LGI1: variants seen among roughly 807,000 people sequenced by gnomAD.
LGI1 encodes the protein leucine-rich glioma-inactivated protein 1.
In LGI1, 11 loss-of-function variants were observed where a neutral mutation model predicts 57.7. The ratio of observed to expected loss-of-function variants is 0.19; its 90% CI spans 0.12 to 0.32. LGI1 has a LOEUF of 0.32. Ranked by LOEUF, LGI1 falls within the 10% of genes least tolerant of loss-of-function variation. LGI1 has a pLI of 1.00. For missense variants in LGI1, 422 were observed against 661.9 expected, an observed-to-expected ratio of 0.64 and a Z score of 3.98; for synonymous variants, 222 against 241.9, an observed-to-expected ratio of 0.92 and a Z score of 0.76.
intron 2 of LGI1, among the ~76,000 whole-genome samples, chr10:93,766,619 C>G (rs1362723286): frequency 6.7e-6 from 1 of 149,718 alleles, no homozygotes; most frequent in Non-Finnish European, 1.5e-5. Flanking sequence ...ATTCTCCTGC[C>G]TCAGCCTCCC....
At position 93,798,004 on chromosome 10, in the gene LGI1, T is replaced by G. The variant is rs1427507573; in HGVS notation, c.*201T>G. On this transcript the variant is annotated 3_prime_UTR_variant, in exon 8 of 8. Coordinates refer to ENST00000371418, the MANE Select transcript of LGI1 (RefSeq NM_005097.4). ...GGAAGTTACCTTTTATAAGACAAAA[T>G]TTAATTGTGTAACTGTTCTTTGCAG... The G allele has an allele frequency of 1.6e-6, 1 of 608,242 alleles. No individual in the cohort carries two copies. Among genetic ancestry groups the G allele is most frequent in the African/African-American group, 1.8e-5 (1 of 54,182 alleles). The allele number at this position is 608,242 out of a possible 1,614,324, so 37.7% of individuals were successfully genotyped here.
chr10:93,761,752 T>C (rs1348377009), intron 2 of LGI1, among the ~76,000 whole-genome samples: 1 of 152,220 alleles, frequency 6.6e-6, no homozygotes, highest in Non-Finnish European at 1.5e-5. Flanking sequence ...TTAGTTGTAA[T>C]ATACATTTTT....
At chr10:93,792,701 A>G in intron 5 of LGI1, 42 bp from the exon 6 acceptor site, 1 of 1,585,246 alleles carries the variant, frequency 6.3e-7, no homozygotes, top group Non-Finnish European at 8.7e-7. Context: ...CTGCGTGGGT[A>G]GGGCCCTTGT....
chr10:93,764,867 G>C (rs1486348469), intron 2 of LGI1: 2 of 152,070 alleles, frequency 1.3e-5, no homozygotes, highest in Non-Finnish European at 2.9e-5. Context: ...GTATAATCTG[G>C]GTTTGCCGAT....
intron 4 of LGI1, among the ~76,000 whole-genome samples, chr10:93,784,703 A>C (rs2059881163): frequency 6.6e-6 from 1 of 152,170 alleles, no homozygotes; most frequent in Non-Finnish European, 1.5e-5. Flanking sequence ...CTAAGAATTA[A>C]GAATTCTTAT....
chr10:93,784,889 A>G (rs2059883027), intron 4 of LGI1, among the ~76,000 whole-genome samples: 1 of 152,162 alleles, frequency 6.6e-6, no homozygotes, highest in African/African-American at 2.4e-5. Context: ...CAGGATCCAT[A>G]ACATGATGTT....
At chr10:93,762,454 G>GA (rs1489532679) in intron 2 of LGI1, 1 of 152,138 alleles carries the variant, frequency 6.6e-6, no homozygotes, top group African/African-American at 2.4e-5. Flanking sequence ...ATCTGTCCAG[G>GA]AAAAAATATC....
At chr10:93,790,216 C>A in intron 5 of LGI1, 46 bp downstream of exon 5, 1 of 1,444,274 alleles carries the variant, frequency 6.9e-7, no homozygotes, top group South Asian at 1.2e-5. Flanking sequence ...AATTTGCAGT[C>A]ATTAACAAGG....
At chr10:93,776,187 C>G (rs564406683) in intron 2 of LGI1, among the ~76,000 whole-genome samples, 1 of 152,222 alleles carries the variant, frequency 6.6e-6, no homozygotes, top group Admixed American at 6.5e-5. Flanking sequence ...TCCAACACCA[C>G]TCTAGGATTG....
intron 7 of LGI1, among the ~76,000 whole-genome samples, chr10:93,795,855 A>G (rs1037160444): frequency 4.6e-5 from 7 of 152,266 alleles, no homozygotes; most frequent in Non-Finnish European, 8.8e-5. Flanking sequence ...TCTTAAGATC[A>G]TACAATCAGT....
At chr10:93,766,512 C>CTTTTT (rs71031537) in intron 2 of LGI1, among the ~76,000 whole-genome samples, 2 of 84,588 alleles carry the variant, frequency 2.4e-5, no homozygotes, top group Non-Finnish European at 4.2e-5. Flanking sequence ...TTATAGATCT[C>CTTTTT]TTTTTTTTTT....
intron 4 of LGI1, among the ~76,000 whole-genome samples, chr10:93,780,564 T>C (rs1020079489): frequency 4.6e-5 from 7 of 152,194 alleles, no homozygotes; most frequent in Admixed American, 2.0e-4. Flanking sequence ...CTTGACTTCA[T>C]CATAGTCTCC....
chr10:93,758,449 A>G lies in LGI1; in HGVS notation c.215+90A>G, dbSNP rs1205933352. The G allele has an allele frequency of 3.3e-6, 4 of 1,222,104 alleles. No homozygotes were observed. The highest frequency in any genetic ancestry group is 4.8e-6 in the Non-Finnish European group (4 of 831,904). 75.7% of individuals were successfully genotyped at this position (1,222,104 alleles called of 1,614,324 possible). On this transcript the variant is annotated intron_variant, in intron 1 of 7. Transcript: ENST00000371418. The surrounding 1 kb of genome is among the most constrained non-coding windows in gnomAD (Gnocchi z 4.7). The stretch of plus-strand genomic sequence containing the variant: ...GCTTTGCATGTATTTGTAGAAGGGC[A>G]TGGAGAGAGAGATTCCTCTTGCATG...
At chr10:93,762,676 T>TCATCTAGGCTGA (rs1792531867) in intron 2 of LGI1, 1 of 152,210 alleles carries the variant, frequency 6.6e-6, no homozygotes, top group South Asian at 2.1e-4. Context: ...AAAATTTCAG[T>TCATCTAGGCTGA]CATCTAGGCT....
chr10:93,778,691 A>G (rs2059818570), intron 4 of LGI1: 1 of 152,230 alleles, frequency 6.6e-6, no homozygotes, highest in African/African-American at 2.4e-5. Context: ...CCTAATATGT[A>G]TCTTATCAGT....
chr10:93,793,683 G>T (rs951255631), intron 7 of LGI1, among the ~76,000 whole-genome samples: 1 of 152,138 alleles, frequency 6.6e-6, no homozygotes, highest in African/African-American at 2.4e-5. Context: ...TTCTAGTCCA[G>T]GTTCTGCCAC....
At chr10:93,777,096 G>A in intron 2 of LGI1, 2 of 538,862 alleles carry the variant, frequency 3.7e-6, no homozygotes, top group Non-Finnish European at 3.3e-6. Flanking sequence ...TGGCTGCTTT[G>A]GCTATCATAG....
chr10:93,775,624 A>C (rs538168725), intron 2 of LGI1, among the ~76,000 whole-genome samples: 1 of 152,250 alleles, frequency 6.6e-6, no homozygotes. Flanking sequence ...GCTAGGGATA[A>C]GAAATGAACA....
At chr10:93,763,818 A>G (rs2059647397) in intron 2 of LGI1, 1 of 152,112 alleles carries the variant, frequency 6.6e-6, no homozygotes, top group Non-Finnish European at 1.5e-5. Context: ...CTGACTTCAC[A>G]TTTGGTCTCC....
Sources: gnomAD v4.1 joint callset for allele counts (sites outside exome capture counted in the v4.1 genomes callset) on GRCh38, gnomAD v4.1.1 for gene constraint, Gnocchi (gnomAD v3.1) non-coding constraint, MANE v1.5 for transcripts, NCBI Gene and HGNC (gene_info 2026-07-23, HGNC 2026-07-21) for gene names.